COA1: variants seen among roughly 807,000 people sequenced by gnomAD.
COA1 encodes cytochrome c oxidase assembly factor 1 homolog.
In COA1, 13 loss-of-function variants were observed where a neutral mutation model predicts 16.0. The ratio of observed to expected loss-of-function variants is 0.81; its 90% CI spans 0.53 to 1.29. The LOEUF (loss-of-function observed/expected upper bound fraction) is 1.29, where lower values mean the gene tolerates loss of function less well. COA1 is among the 50% of genes most tolerant of loss of function. The pLI is 0.00. For missense variants in COA1, 179 were observed against 177.0 expected (o/e 1.01, Z -0.06); for synonymous variants, 65 against 65.7 (o/e 0.99, Z 0.05).
intron 6 of COA1, chr7:43,626,695 T>C (rs1039693656): frequency 6.6e-6 from 1 of 152,262 alleles, no homozygotes; most frequent in Non-Finnish European, 1.5e-5. Flanking sequence ...GACACGTTTG[T>C]ACTTGATGGA....
intron 1 of COA1, among the ~76,000 whole-genome samples, chr7:43,676,812 AC>A (rs1411355350): frequency 6.6e-6 from 1 of 152,184 alleles, no homozygotes; most frequent in Non-Finnish European, 1.5e-5. Flanking sequence ...AAAAAAAAAA[AC>A]TTCAGAACAC....
At chr7:43,706,346 G>A (rs1271538827) in intron 1 of COA1, among the ~76,000 whole-genome samples, 1 of 151,506 alleles carries the variant, frequency 6.6e-6, no homozygotes, top group African/African-American at 2.4e-5. Flanking sequence ...ACTAGCCTGA[G>A]GAACATGGCA....
intron 6 of COA1, chr7:43,624,582 C>G (rs1318040752): frequency 6.2e-7 from 1 of 1,614,084 alleles, no homozygotes; most frequent in Non-Finnish European, 8.5e-7. Context: ...TATTCAAGAG[C>G]CTTCTTTCAG....
intron 1 of COA1, among the ~76,000 whole-genome samples, chr7:43,666,876 T>G (rs2092924806): frequency 6.6e-6 from 1 of 152,208 alleles, no homozygotes; most frequent in Admixed American, 6.5e-5. Flanking sequence ...TGAATATTAA[T>G]TAAACTCAAA....
chr7:43,637,970 A>G (rs2086182036), downstream of COA1, among the ~76,000 whole-genome samples: 1 of 152,200 alleles, frequency 6.6e-6, no homozygotes, highest in Non-Finnish European at 1.5e-5. Flanking sequence ...AATTCACAAC[A>G]TATAGACAAT....
At chr7:43,690,764 G>A (rs2094241581) in intron 1 of COA1, among the ~76,000 whole-genome samples, 1 of 152,002 alleles carries the variant, frequency 6.6e-6, no homozygotes, top group Non-Finnish European at 1.5e-5. Context: ...TGAATAAAGG[G>A]GGAAAAAAGC....
At chr7:43,634,187 T>C (rs2085492610) in intron 6 of COA1, among the ~76,000 whole-genome samples, 1 of 152,144 alleles carries the variant, frequency 6.6e-6, no homozygotes, top group South Asian at 2.1e-4. Flanking sequence ...TATCTTGGTG[T>C]TGGTGTCTGT....
At chr7:43,629,098 C>T (rs2084915973) in intron 6 of COA1, among the ~76,000 whole-genome samples, 1 of 152,180 alleles carries the variant, frequency 6.6e-6, no homozygotes. Context: ...GGTTCCAGCA[C>T]CACTTGTCAA....
intron 6 of COA1, chr7:43,624,636 C>T: frequency 1.9e-6 from 3 of 1,614,078 alleles, no homozygotes; most frequent in Non-Finnish European, 2.5e-6. Flanking sequence ...CCAAGAAGGT[C>T]ATTCTGTGCC....
intron 1 of COA1, among the ~76,000 whole-genome samples, chr7:43,710,375 A>AAAAAAAAAATATATATATATATATAT (rs761592421): frequency 2.7e-5 from 1 of 36,446 alleles, no homozygotes; most frequent in Non-Finnish European, 4.7e-5. Flanking sequence ...AAAAAAAAAA[A>AAAAAAAAAATATATATATATATATAT]ATATATATAT....
At chr7:43,684,622 A>G (rs1247143622) in intron 1 of COA1, among the ~76,000 whole-genome samples, 2 of 152,194 alleles carry the variant, frequency 1.3e-5, no homozygotes, top group Admixed American at 6.5e-5. Flanking sequence ...CCTCTTCTCA[A>G]TGAAGGCTAT....
chr7:43,706,329 A>G (rs2131566431), intron 1 of COA1, among the ~76,000 whole-genome samples: 1 of 150,910 alleles, frequency 6.6e-6, no homozygotes, highest in Middle Eastern at 3.5e-3. Flanking sequence ...CTTGAGCTCA[A>G]TTCAACACTA....
chr7:43,701,602 A>C (rs2094743528), intron 1 of COA1, among the ~76,000 whole-genome samples: 1 of 152,202 alleles, frequency 6.6e-6, no homozygotes, highest in South Asian at 2.1e-4. Context: ...TGGTAGAACA[A>C]TTTACATTCC....
intron 1 of COA1, among the ~76,000 whole-genome samples, chr7:43,665,908 C>T (rs547835159): frequency 6.6e-6 from 1 of 152,294 alleles, no homozygotes; most frequent in South Asian, 2.1e-4. Context: ...TGGGTGGGGA[C>T]ACAGAGCCAA....
intron 1 of COA1, among the ~76,000 whole-genome samples, chr7:43,671,138 A>C (rs563078397): frequency 6.6e-6 from 1 of 152,206 alleles, no homozygotes; most frequent in Non-Finnish European, 1.5e-5. Flanking sequence ...TCAACTGAAA[A>C]TGAATCACAG....
At chr7:43,713,648 T>C (rs2095316001) in intron 1 of COA1, among the ~76,000 whole-genome samples, 1 of 152,214 alleles carries the variant, frequency 6.6e-6, no homozygotes, top group South Asian at 2.1e-4. Context: ...TCTTCCAAGT[T>C]GCTTTTTTGT....
Position 43,651,563 on chromosome 7 carries a change from C to G in COA1, c.-38-2911G>C, listed in dbSNP as rs1271660599. ...CCTCAGCCAGGACCAGAGGAAGCAT[C>G]ACCAGGCGGATCAACAGAACAGCCA... is the stretch of plus-strand genomic sequence containing the variant. On this transcript the variant is annotated intron_variant, in intron 1 of 5. Transcript: ENST00000223336. 8.5e-5 allele frequency among the ~76,000 whole-genome samples: 13 copies of G among 152,162 alleles called. No individual in the cohort carries two copies. The South Asian group carries it at 2.7e-3, about 32-fold the overall frequency.
chr7:43,695,217 T>G (rs1052479206), intron 1 of COA1, among the ~76,000 whole-genome samples: 5 of 150,830 alleles, frequency 3.3e-5, no homozygotes, highest in African/African-American at 1.2e-4. Context: ...TAAGACTGTT[T>G]CCTCTGCTCA....
intron 6 of COA1, among the ~76,000 whole-genome samples, chr7:43,621,682 G>A (rs1312514738): frequency 1.3e-5 from 2 of 152,036 alleles, no homozygotes; most frequent in Non-Finnish European, 2.9e-5. Context: ...GTGTTGCCCA[G>A]GCTAGTGATT....
Sources: gnomAD v4.1 joint callset for allele counts (sites outside exome capture counted in the v4.1 genomes callset) on GRCh38, gnomAD v4.1.1 for gene constraint, MANE v1.5 for transcripts, NCBI Gene and HGNC (gene_info 2026-07-23, HGNC 2026-07-21) for gene names.